Variants in VPS35L observed in about 807,000 individuals in gnomAD.
The protein encoded by VPS35L is VPS35 endosomal protein-sorting factor-like.
Under a neutral mutation model 133.0 loss-of-function variants are expected in VPS35L, and 83 were observed. That is an observed-to-expected ratio of 0.62 (90% CI 0.52 to 0.75). The LOEUF (loss-of-function observed/expected upper bound fraction) is 0.75, where lower values mean the gene tolerates loss of function less well. VPS35L is among the 30% of genes least tolerant of loss of function. The probability of loss-of-function intolerance (pLI) is 0.00; values close to 1 mark genes in which losing one functional copy is unlikely to be tolerated. For synonymous variants in VPS35L, 423 were observed against 449.9 expected (o/e 0.94, Z 0.76); for missense variants, 1,083 against 1,206.8 (o/e 0.90, Z 1.52).
At chr16:19,647,983 T>A in intron 24 of VPS35L, 101 bp downstream of exon 24, 5 of 1,074,184 alleles carry the variant, frequency 4.7e-6, no homozygotes, top group Non-Finnish European at 7.0e-6. Context: ...AGACAGGGTC[T>A]CACTCTGTCA....
chr16:19,604,603 T>A (rs1472451295), intron 9 of VPS35L, among the ~76,000 whole-genome samples: 2 of 152,232 alleles, frequency 1.3e-5, no homozygotes, highest in Non-Finnish European at 2.9e-5. Flanking sequence ...GATTATGTTT[T>A]TCAAAGTTGT....
At chr16:19,665,654 T>G (rs532276761) in intron 26 of VPS35L, among the ~76,000 whole-genome samples, 1 of 152,368 alleles carries the variant, frequency 6.6e-6, no homozygotes, top group African/African-American at 2.4e-5. Context: ...TGCAGATATC[T>G]CTTCGATATA....
intron 4 of VPS35L, among the ~76,000 whole-genome samples, chr16:19,574,548 G>A (rs988156821): frequency 6.6e-6 from 1 of 151,986 alleles, no homozygotes; most frequent in Non-Finnish European, 1.5e-5. Flanking sequence ...CCCAGGGTGT[G>A]TACTCATTGA....
chr16:19,643,437 C>T (rs1035272246), intron 22 of VPS35L, among the ~76,000 whole-genome samples: 7 of 152,154 alleles, frequency 4.6e-5, no homozygotes, highest in African/African-American at 9.7e-5. Flanking sequence ...TTATTTCTGT[C>T]TTATTGTTCT....
Position 19,626,202 on chromosome 16 carries a change from G to T in VPS35L, c.1250G>T (p.Arg417Met), listed in dbSNP as rs780826333. Residue 417 changes from arginine to methionine, a missense_variant, in exon 15 of 31, where the codon AGG becomes ATG. Coordinates refer to ENST00000417362, the MANE Select transcript of VPS35L (RefSeq NM_020314.7). Reference sequence around the variant, plus strand: ...GCTCTGCTGACCGAGATGATGGAAAGGTGTAAGAAACTAGGAAACAAGTAA... The same window carrying T: ...GCTCTGCTGACCGAGATGATGGAAATGTGTAAGAAACTAGGAAACAAGTAA... Reference protein sequence around the residue: ...PEALLTEMMERCKKLGNNALL... With the variant: ...PEALLTEMMEMCKKLGNNALL... 6.3e-7 allele frequency: 1 copy of T among 1,599,760 alleles called. No homozygotes were observed. Among genetic ancestry groups the T allele is most frequent in the Non-Finnish European group, 8.5e-7 (1 of 1,171,454 alleles).
intron 18 of VPS35L, among the ~76,000 whole-genome samples, chr16:19,630,597 G>A (rs982392911): frequency 6.6e-6 from 1 of 152,086 alleles, no homozygotes; most frequent in Non-Finnish European, 1.5e-5. Context: ...GCCTCCCAAA[G>A]TGCTGGGATT....
intron 27 of VPS35L, among the ~76,000 whole-genome samples, chr16:19,675,729 T>C (rs886129146): frequency 6.6e-6 from 1 of 151,980 alleles, no homozygotes; most frequent in African/African-American, 2.4e-5. Context: ...TTTGTTTTTT[T>C]AGTAGAGACA....
rs1555509923 is a variant in VPS35L, at chr16:19,700,551, T to TA, written c.*76dup. 6 of 1,231,138 alleles carry TA rather than the reference T, an allele frequency of 4.9e-6. No homozygotes were observed. Among genetic ancestry groups the TA allele is most frequent in the East Asian group, 4.7e-5 (2 of 42,930 alleles). The allele number at this position is 1,231,138 out of a possible 1,614,324, so 76.3% of individuals were successfully genotyped here. A position where few individuals can be genotyped will look rare whatever the true frequency, so the allele number is the denominator to read the frequency against. On this transcript the variant is annotated 3_prime_UTR_variant, in exon 31 of 31. Transcript: ENST00000417362. ...GATCTGCTCTGCTGCCCTGAACTCTTACGGCAATTTAGGTTTCTCATTTTT... is the reference window on the plus strand; with the variant it reads ...GATCTGCTCTGCTGCCCTGAACTCTTAACGGCAATTTAGGTTTCTCATTTTT...
rs139418461 is a variant in VPS35L, at chr16:19,629,825, G to A, written c.1554+5G>A. 76 of 1,612,410 alleles carry A rather than the reference G, an allele frequency of 4.7e-5. No individual in the cohort carries two copies. Among genetic ancestry groups the A allele is most frequent in the Non-Finnish European group, 6.2e-5 (73 of 1,178,602 alleles). On this transcript the variant is annotated splice_donor_5th_base_variant and intron_variant, in intron 18 of 30. Transcript: ENST00000417362. ...TACACCTGCAAGCATTTCACGGTATGTGTGACTGTGGTATTGTTTTTGAAA... is the reference window on the plus strand; with the variant it reads ...TACACCTGCAAGCATTTCACGGTATATGTGACTGTGGTATTGTTTTTGAAA...
chr16:19,655,073 G>A (rs1288321348), intron 26 of VPS35L, among the ~76,000 whole-genome samples: 49 of 152,068 alleles, frequency 3.2e-4, no homozygotes, highest in Non-Finnish European at 1.5e-4. Context: ...TTCCTATAAC[G>A]TCCTCGGTCC....
intron 7 of VPS35L, among the ~76,000 whole-genome samples, chr16:19,585,258 G>C (rs1224974357): frequency 6.6e-6 from 1 of 152,156 alleles, no homozygotes; most frequent in Non-Finnish European, 1.5e-5. Flanking sequence ...GAATGGAATT[G>C]CTGGGTCATA....
At chr16:19,649,519 CCAT>C (rs1235573323) in intron 24 of VPS35L, among the ~76,000 whole-genome samples, 1 of 152,190 alleles carries the variant, frequency 6.6e-6, no homozygotes, top group African/African-American at 2.4e-5. Flanking sequence ...GTAAAGCAGT[CCAT>C]CATCAAATCA....
chr16:19,644,345 G>A (rs1973874132), intron 22 of VPS35L, among the ~76,000 whole-genome samples: 1 of 152,162 alleles, frequency 6.6e-6, no homozygotes, highest in South Asian at 2.1e-4. Context: ...GCAGGATTTC[G>A]ATGGTGTATG....
intron 22 of VPS35L, 135 bp downstream of exon 22, chr16:19,642,611 C>T (rs762143908): frequency 3.1e-5 from 22 of 698,752 alleles, no homozygotes; most frequent in South Asian, 1.2e-4. Context: ...TTTTTGCTAA[C>T]GAGGACATTC....
chr16:19,564,645 C>T (rs911102708), intron 1 of VPS35L, among the ~76,000 whole-genome samples: 14 of 152,188 alleles, frequency 9.2e-5, no homozygotes, highest in African/African-American at 3.4e-4. Flanking sequence ...GTGATCCACC[C>T]ACCTAGGCTG....
intron 1 of VPS35L, among the ~76,000 whole-genome samples, chr16:19,561,702 CT>C (rs751968127): frequency 1.3e-5 from 2 of 152,184 alleles, no homozygotes; most frequent in African/African-American, 2.4e-5. Context: ...TGAGGTTCCT[CT>C]TTCCCTAAAG....
intron 26 of VPS35L, among the ~76,000 whole-genome samples, chr16:19,660,858 T>C (rs1974459809): frequency 6.6e-6 from 1 of 152,164 alleles, no homozygotes; most frequent in Admixed American, 6.5e-5. Context: ...TACAGAAATG[T>C]AGGACTCTTA....
At chr16:19,596,562 A>C (rs1972222681) in intron 8 of VPS35L, among the ~76,000 whole-genome samples, 1 of 151,920 alleles carries the variant, frequency 6.6e-6, no homozygotes, top group Admixed American at 6.6e-5. Context: ...GGCATGAGTC[A>C]CTGCACCTGG....
intron 15 of VPS35L, among the ~76,000 whole-genome samples, chr16:19,627,213 G>A (rs1017391464): frequency 6.6e-6 from 1 of 151,640 alleles, no homozygotes; most frequent in Admixed American, 6.6e-5. Context: ...AACCCGGGAG[G>A]TGGAGGTTGC....
Sources: gnomAD v4.1 joint callset for allele counts (sites outside exome capture counted in the v4.1 genomes callset) on GRCh38, gnomAD v4.1.1 for gene constraint, MANE v1.5 for transcripts, NCBI Gene and HGNC (gene_info 2026-07-23, HGNC 2026-07-21) for gene names.